Variants in JAK2 observed in about 807,000 individuals in gnomAD.
JAK2 encodes the protein tyrosine-protein kinase JAK2.
Under a neutral mutation model 139.3 loss-of-function variants are expected in JAK2, and 86 were observed. The observed-to-expected ratio is 0.62, with a 90% confidence interval of 0.52 to 0.74. The LOEUF is 0.74. JAK2 is among the 30% of genes least tolerant of loss of function. The pLI is 0.00. For missense variants in JAK2, 1,421 were observed against 1,360.3 expected (o/e 1.04, Z -0.70); for synonymous variants, 490 against 437.7 (o/e 1.12, Z -1.49).
At chr9:5,102,625 G>T (rs1821597861) in intron 22 of JAK2, among the ~76,000 whole-genome samples, 1 of 152,160 alleles carries the variant, frequency 6.6e-6, no homozygotes, top group South Asian at 2.1e-4. Flanking sequence ...GGAAAAAAAT[G>T]TTAAGGGCAG....
chr9:5,007,948 G>T lies in JAK2; in HGVS notation c.-25-14015G>T, dbSNP rs1200172526. The stretch of plus-strand genomic sequence containing the variant: ...CTCACTACATTGGCCTGGCTGGCCT[G>T]GAATTCCTGACCTCAAATGATCCCC... On this transcript the variant is annotated intron_variant, in intron 2 of 24. Transcript: ENST00000381652. Among the ~76,000 whole-genome samples, 6 of 152,042 alleles carry T rather than the reference G, an allele frequency of 3.9e-5. No homozygotes were observed. The East Asian group carries it at 9.7e-4, about 25-fold the overall frequency.
At chr9:5,020,500 G>A (rs1822346361) in intron 2 of JAK2, among the ~76,000 whole-genome samples, 1 of 152,186 alleles carries the variant, frequency 6.6e-6, no homozygotes. Flanking sequence ...AGCAGTGGCT[G>A]TGCTGTGCCC....
intron 19 of JAK2, chr9:5,085,110 G>A (rs1387318135): frequency 1.5e-6 from 1 of 655,032 alleles, no homozygotes; most frequent in Non-Finnish European, 2.9e-6. Context: ...GGGCAAGGTA[G>A]GTTGTTTGTT....
chr9:5,050,607 A>T, intron 5 of JAK2, 79 bp from the exon 6 acceptor site: 1 of 1,400,404 alleles, frequency 7.1e-7, no homozygotes, highest in East Asian at 2.4e-5. Context: ...TCTGAAAATT[A>T]TGATTAAAAT....
At chr9:4,987,483 C>T (rs1428558438) in intron 2 of JAK2, among the ~76,000 whole-genome samples, 2 of 151,978 alleles carry the variant, frequency 1.3e-5, no homozygotes, top group Non-Finnish European at 2.9e-5. Flanking sequence ...CGCCTGTAAT[C>T]CCAGCACTTT....
At chr9:5,066,998 T>C (rs1373786272) in intron 10 of JAK2, among the ~76,000 whole-genome samples, 1 of 152,120 alleles carries the variant, frequency 6.6e-6, no homozygotes, top group Admixed American at 6.5e-5. Flanking sequence ...TAATTTATAA[T>C]GTCTATCTTT....
intron 4 of JAK2, among the ~76,000 whole-genome samples, chr9:5,033,297 C>T (rs946625746): frequency 4.6e-5 from 7 of 152,116 alleles, no homozygotes; most frequent in Non-Finnish European, 8.8e-5. Context: ...GAGAATGGAA[C>T]CAAGTTGGAA....
intron 22 of JAK2, chr9:5,094,981 A>G (rs1284048816): frequency 6.6e-6 from 1 of 152,118 alleles, no homozygotes; most frequent in Admixed American, 6.6e-5. Flanking sequence ...ATATATCTCA[A>G]TGCCTTTCCT....
At chr9:4,991,464 G>C (rs1820241655) in intron 2 of JAK2, among the ~76,000 whole-genome samples, 1 of 152,150 alleles carries the variant, frequency 6.6e-6, no homozygotes, top group African/African-American at 2.4e-5. Flanking sequence ...ATGTGAGTAA[G>C]TGCACTGTTT....
At chr9:5,062,642 T>C (rs2130473622) in intron 8 of JAK2, among the ~76,000 whole-genome samples, 1 of 152,182 alleles carries the variant, frequency 6.6e-6, no homozygotes, top group South Asian at 2.1e-4. Context: ...GTATGAATAT[T>C]TACAACTTTG....
At chr9:5,005,723 T>A (rs1821255007) in intron 2 of JAK2, among the ~76,000 whole-genome samples, 1 of 152,250 alleles carries the variant, frequency 6.6e-6, no homozygotes. Flanking sequence ...AGAGAGTTTG[T>A]ATAAGCTCAA....
intron 8 of JAK2, among the ~76,000 whole-genome samples, chr9:5,058,191 T>G (rs1817902792): frequency 6.6e-6 from 1 of 152,196 alleles, no homozygotes; most frequent in Admixed American, 6.5e-5. Context: ...TTTCAATTCC[T>G]TTGGATATAT....
chr9:5,105,785 C>G (rs1485689376), intron 22 of JAK2, among the ~76,000 whole-genome samples: 1 of 152,166 alleles, frequency 6.6e-6, no homozygotes, highest in African/African-American at 2.4e-5. Context: ...TGATCTTTGA[C>G]AAACCTGACA....
intron 2 of JAK2, among the ~76,000 whole-genome samples, chr9:5,004,180 G>A (rs774215900): frequency 6.6e-6 from 1 of 152,020 alleles, no homozygotes; most frequent in Non-Finnish European, 1.5e-5. Flanking sequence ...TCAAGTATAC[G>A]ATATATTGTT....
intron 22 of JAK2, chr9:5,114,199 T>C: frequency 2.1e-6 from 1 of 479,128 alleles, no homozygotes; most frequent in Non-Finnish European, 4.1e-6. Context: ...AGCACCTACC[T>C]GAGCCGGTCC....
intron 2 of JAK2, among the ~76,000 whole-genome samples, chr9:5,021,745 T>A (rs939339881): frequency 1.3e-5 from 2 of 152,186 alleles, no homozygotes; most frequent in Non-Finnish European, 2.9e-5. Flanking sequence ...TCCGCTCCAC[T>A]CCCAGAGTAG....
At chr9:5,074,850 C>T (rs1435439522) in intron 14 of JAK2, among the ~76,000 whole-genome samples, 2 of 152,162 alleles carry the variant, frequency 1.3e-5, no homozygotes, top group African/African-American at 2.4e-5. Context: ...GAGAGGAAGG[C>T]ATGCTGAAAG....
chr9:5,083,009 CT>C (rs1819821266), intron 19 of JAK2, among the ~76,000 whole-genome samples: 1 of 152,208 alleles, frequency 6.6e-6, no homozygotes, highest in South Asian at 2.1e-4. Context: ...AACTGAAGAA[CT>C]TTTCAGAGGC....
intron 2 of JAK2, among the ~76,000 whole-genome samples, chr9:5,011,921 C>G (rs1821728719): frequency 6.6e-6 from 1 of 152,160 alleles, no homozygotes; most frequent in Non-Finnish European, 1.5e-5. Flanking sequence ...CAGTGGAAAG[C>G]CTGAGATATT....
Sources: gnomAD v4.1 joint callset for allele counts (sites outside exome capture counted in the v4.1 genomes callset) on GRCh38, gnomAD v4.1.1 for gene constraint, MANE v1.5 for transcripts, NCBI Gene and HGNC (gene_info 2026-07-23, HGNC 2026-07-21) for gene names.